The following RBPJ variants were observed in gnomAD, a reference collection of about 807,000 sequenced individuals.
The protein encoded by RBPJ is recombining binding protein suppressor of hairless.
RBPJ carries 9 observed loss-of-function variants against 67.8 expected under a neutral mutation model. The observed-to-expected ratio is 0.13, with a 90% CI of 0.08 to 0.23. The LOEUF is 0.23. Ranked by LOEUF, RBPJ falls within the 10% of genes least tolerant of loss-of-function variation. The pLI is 1.00. For synonymous variants in RBPJ, 198 were observed against 203.3 expected, an observed-to-expected ratio of 0.97 and a Z score of 0.22; for missense variants, 305 against 595.6, an observed-to-expected ratio of 0.51 and a Z score of 5.08.
chr4:26,195,222 A>G (rs147400067), intron 1 of RBPJ, among the ~76,000 whole-genome samples: 141 of 152,198 alleles, frequency 9.3e-4, no homozygotes, highest in African/African-American at 3.3e-3. Context: ...TTTAAAAATT[A>G]CCTGGGCGTG....
chr4:26,138,225 G>C, the RBPJ span, among the ~76,000 whole-genome samples: 1 of 152,150 alleles, frequency 6.6e-6, no homozygotes. Flanking sequence ...CCAACCTCCA[G>C]ACATTTTGGC....
chr4:26,323,102 TTAG>T (rs745859239), intron 1 of RBPJ, among the ~76,000 whole-genome samples: 4 of 151,722 alleles, frequency 2.6e-5, no homozygotes, highest in Non-Finnish European at 4.4e-5. Context: ...GTGATTAGAA[TTAG>T]TAGTTTGAGT....
intron 1 of RBPJ, among the ~76,000 whole-genome samples, chr4:26,332,217 A>C (rs977535281): frequency 6.6e-6 from 1 of 151,800 alleles, no homozygotes; most frequent in South Asian, 2.1e-4. Context: ...CACTATTGTA[A>C]TGTTAAAAAA....
At chr4:26,242,342 G>T (rs1420246157) in intron 1 of RBPJ, among the ~76,000 whole-genome samples, 3 of 151,964 alleles carry the variant, frequency 2.0e-5, no homozygotes, top group African/African-American at 7.3e-5. Flanking sequence ...CAGCTACTCG[G>T]GAGGCTGAGG....
chr4:26,424,997 G>T lies in RBPJ; in HGVS notation c.747+254G>T. The T allele has an allele frequency of 2.3e-6, 1 of 441,310 alleles. No homozygotes were observed. The highest frequency in any genetic ancestry group is 2.0e-5 in the African/African-American group (1 of 49,034). The allele number at this position is 441,310 out of a possible 1,614,324, so 27.3% of individuals were successfully genotyped here. ...CTTAAATGATTTCCAATATATTTTG[G>T]TGGCAATTTCCTTTTTGGCTGTTTA... On this transcript the variant is annotated intron_variant, in intron 7 of 10. Transcript: ENST00000355476. The surrounding 1 kb of genome is among the most constrained non-coding windows in gnomAD (Gnocchi z 5.3).
chr4:26,286,462 G>A (rs1384778012), intron 1 of RBPJ, among the ~76,000 whole-genome samples: 1 of 111,728 alleles, frequency 9.0e-6, no homozygotes, highest in African/African-American at 3.9e-5. Flanking sequence ...GAAAAACCGA[G>A]ACCCTGCCTC....
intron 1 of RBPJ, among the ~76,000 whole-genome samples, chr4:26,236,463 C>T (rs1353390259): frequency 1.3e-5 from 2 of 152,160 alleles, no homozygotes; most frequent in African/African-American, 4.8e-5. Flanking sequence ...TAGCTGGGGT[C>T]TGCATTCATC....
chr4:26,204,589 C>T (rs1718104145), intron 1 of RBPJ, among the ~76,000 whole-genome samples: 1 of 152,084 alleles, frequency 6.6e-6, no homozygotes, highest in Admixed American at 6.6e-5. Flanking sequence ...AGAGGGGTAG[C>T]ACATTGAGAT....
At chr4:26,182,053 T>G (rs1366770103) in intron 1 of RBPJ, among the ~76,000 whole-genome samples, 2 of 152,222 alleles carry the variant, frequency 1.3e-5, no homozygotes, top group Non-Finnish European at 2.9e-5. Context: ...TAAAACTTTT[T>G]GACTCTTGGC....
upstream of RBPJ, among the ~76,000 whole-genome samples, chr4:26,316,402 CATAT>C (rs200897166): frequency 2.2e-5 from 3 of 139,146 alleles, no homozygotes; most frequent in South Asian, 4.5e-4. Context: ...TATATACATT[CATAT>C]ATATACATTC....
the RBPJ span, among the ~76,000 whole-genome samples, chr4:26,157,424 C>T: frequency 5.3e-5 from 8 of 152,112 alleles, no homozygotes; most frequent in African/African-American, 1.9e-4. Flanking sequence ...CAAAGCAAGA[C>T]TCTGTCTCTA....
At chr4:26,277,810 T>C (rs149881204) in intron 1 of RBPJ, among the ~76,000 whole-genome samples, 27 of 152,356 alleles carry the variant, frequency 1.8e-4, no homozygotes, top group African/African-American at 6.3e-4. Flanking sequence ...AGGAAGAATT[T>C]TGCAAGCATG....
chr4:26,324,337 C>T (rs913495211), intron 1 of RBPJ, among the ~76,000 whole-genome samples: 1 of 151,996 alleles, frequency 6.6e-6, no homozygotes, highest in East Asian at 1.9e-4. Flanking sequence ...TTTATTCCTG[C>T]CCCCCATAAA....
chr4:26,146,051 C>T, the RBPJ span, among the ~76,000 whole-genome samples: 448 of 152,292 alleles, frequency 2.9e-3, 1 homozygote, highest in African/African-American at 0.01. Flanking sequence ...ATCCTCCCAC[C>T]TCAGCCTCCT....
chr4:26,217,375 C>T (rs1033002019), intron 1 of RBPJ, among the ~76,000 whole-genome samples: 3 of 152,030 alleles, frequency 2.0e-5, no homozygotes, highest in East Asian at 1.9e-4. Flanking sequence ...GCTCCTGTGG[C>T]ATTGAAGAGC....
intron 1 of RBPJ, among the ~76,000 whole-genome samples, chr4:26,232,308 C>T (rs142407618): frequency 0.016 from 2,422 of 152,270 alleles, 45 homozygotes; most frequent in Middle Eastern, 0.071. Flanking sequence ...TAGGTAAACA[C>T]GTGCCATGGT....
chr4:26,109,727 C>G, the RBPJ span, among the ~76,000 whole-genome samples: 3 of 95,428 alleles, frequency 3.1e-5, no homozygotes, highest in Non-Finnish European at 6.9e-5. Flanking sequence ...CTCTCTCTCT[C>G]TCTATATATA....
At chr4:26,270,429 GA>G (rs1172404520) in intron 1 of RBPJ, among the ~76,000 whole-genome samples, 38 of 56,664 alleles carry the variant, frequency 6.7e-4, no homozygotes, top group Non-Finnish European at 9.9e-4. Context: ...AAGAAAGAAA[GA>G]AAGAAAGAAG....
upstream of RBPJ, among the ~76,000 whole-genome samples, chr4:26,315,026 T>C (rs1722555041): frequency 6.7e-6 from 1 of 149,624 alleles, no homozygotes; most frequent in East Asian, 2.0e-4. Context: ...GCACTTGTAA[T>C]CCCAGCTACT....
Sources: allele counts gnomAD v4.1 joint callset (sites outside exome capture counted in the v4.1 genomes callset), GRCh38; gene constraint gnomAD v4.1.1; non-coding constraint Gnocchi (gnomAD v3.1); transcripts MANE v1.5; gene names NCBI Gene and HGNC (gene_info 2026-07-23, HGNC 2026-07-21).